The following FAM107B variants were observed in gnomAD, a reference collection of about 807,000 sequenced individuals.
FAM107B encodes family with sequence similarity 107 member B, also known as protein FAM107B.
FAM107B carries 21 observed loss-of-function variants against 31.5 expected under a neutral mutation model. That is an observed-to-expected ratio of 0.67 (90% CI 0.47 to 0.96). The LOEUF (loss-of-function observed/expected upper bound fraction) is 0.96. Among genes scored for constraint, FAM107B ranks in the 40% least tolerant of loss-of-function variants. The probability of loss-of-function intolerance (pLI) is 0.00; values close to 1 mark genes in which losing one functional copy is unlikely to be tolerated. For missense variants in FAM107B, 452 were observed against 377.1 expected (o/e 1.20, Z -1.64); for synonymous variants, 157 against 141.5 (o/e 1.11, Z -0.78).
intron 2 of FAM107B, among the ~76,000 whole-genome samples, chr10:14,541,222 C>T (rs987972650): frequency 2.0e-5 from 3 of 152,164 alleles, no homozygotes; most frequent in Admixed American, 1.3e-4. Context: ...TCCCTCTAAT[C>T]CGGCTGCATC....
At chr10:14,572,507 G>A in intron 2 of FAM107B, 1 of 575,768 alleles carries the variant, frequency 1.7e-6, no homozygotes, top group Non-Finnish European at 2.2e-6. Flanking sequence ...GGGATTCATG[G>A]CATCACAGCC....
chr10:14,719,962 G>A (rs1011616940), intron 1 of FAM107B, among the ~76,000 whole-genome samples: 1 of 141,292 alleles, frequency 7.1e-6, no homozygotes. Flanking sequence ...TTCCTCACTG[G>A]GCCCTGACGG....
chr10:14,594,556 G>A lies in FAM107B; in HGVS notation c.470-64041C>T, dbSNP rs915278785. Among the ~76,000 whole-genome samples the A allele has an allele frequency of 2.6e-5, 4 of 151,626 alleles. No individual in the cohort carries two copies. In the East Asian group the frequency reaches 7.7e-4, roughly 29 times the overall value. On this transcript the variant is annotated intron_variant, in intron 2 of 4. Coordinates refer to ENST00000181796, the MANE Select transcript of FAM107B (RefSeq NM_031453.4). ...AACTGGCAAATGCATTCTCCAACTGGAATCCCAATCTCTTTGTGAGGCTAC... is the reference window on the plus strand; with the variant it reads ...AACTGGCAAATGCATTCTCCAACTGAAATCCCAATCTCTTTGTGAGGCTAC...
intron 2 of FAM107B, among the ~76,000 whole-genome samples, chr10:14,553,888 A>C (rs891463948): frequency 6.6e-6 from 1 of 152,208 alleles, no homozygotes; most frequent in African/African-American, 2.4e-5. Flanking sequence ...GCCCAAATTC[A>C]TAAAATTCAT....
Position 14,629,416 on chromosome 10 carries a change from A to ATAATATATATTATATATT in FAM107B, c.469+38217_469+38218insAATATATAATATATATTA, listed in dbSNP as rs1564606788. ...AATATATATTATATATTTAATATAT[A>ATAATATATATTATATATT]TAATATATATAATATATATTATATA... On this transcript the variant is annotated intron_variant, in intron 2 of 4. Transcript: ENST00000181796. Among the ~76,000 whole-genome samples the ATAATATATATTATATATT allele has an allele frequency of 1.5e-3, 32 of 21,938 alleles. 2 individuals are homozygous for ATAATATATATTATATATT. In the Admixed American group the frequency reaches 0.015, roughly 10 times the overall value. 14.4% of individuals were successfully genotyped at this position (21,938 alleles called of 152,430 possible).
intron 2 of FAM107B, among the ~76,000 whole-genome samples, chr10:14,583,340 G>A (rs924544211): frequency 6.6e-6 from 1 of 152,056 alleles, no homozygotes; most frequent in African/African-American, 2.4e-5. Flanking sequence ...CCCTCGCGGG[G>A]CAGAGTCGGA....
intron 2 of FAM107B, among the ~76,000 whole-genome samples, chr10:14,607,457 T>C (rs1406041989): frequency 2.0e-5 from 3 of 152,154 alleles, no homozygotes; most frequent in Non-Finnish European, 4.4e-5. Flanking sequence ...ACTCAAAGGT[T>C]ATGAGCTATG....
At chr10:14,577,484 G>C (rs953766614) in intron 2 of FAM107B, among the ~76,000 whole-genome samples, 1 of 152,130 alleles carries the variant, frequency 6.6e-6, no homozygotes, top group East Asian at 1.9e-4. Context: ...ATATAAACTT[G>C]CATAGTACGA....
At chr10:14,593,149 A>G (rs1852074194) in intron 2 of FAM107B, among the ~76,000 whole-genome samples, 1 of 152,126 alleles carries the variant, frequency 6.6e-6, no homozygotes, top group Non-Finnish European at 1.5e-5. Context: ...AAAATTTAAT[A>G]TTATTAATTC....
At chr10:14,714,003 G>GA (rs1285623005) in intron 1 of FAM107B, among the ~76,000 whole-genome samples, 9 of 152,200 alleles carry the variant, frequency 5.9e-5, no homozygotes, top group Non-Finnish European at 1.2e-4. Flanking sequence ...ACAGAGAAGG[G>GA]AAAAAGAGAT....
At chr10:14,629,184 G>C (rs886992395) in intron 2 of FAM107B, among the ~76,000 whole-genome samples, 1 of 130,788 alleles carries the variant, frequency 7.6e-6, no homozygotes, top group Non-Finnish European at 1.6e-5. Flanking sequence ...GACATAAAAA[G>C]TATATATATA....
intron 2 of FAM107B, among the ~76,000 whole-genome samples, chr10:14,633,547 A>C (rs933324958): frequency 3.3e-5 from 5 of 152,208 alleles, no homozygotes; most frequent in Non-Finnish European, 5.9e-5. Flanking sequence ...TACATTAATA[A>C]AATATATTAA....
At chr10:14,613,094 C>T (rs768949625) in intron 2 of FAM107B, among the ~76,000 whole-genome samples, 5 of 152,008 alleles carry the variant, frequency 3.3e-5, no homozygotes, top group Non-Finnish European at 7.3e-5. Flanking sequence ...GCCTCAGCCC[C>T]GCGAGCAGCT....
chr10:14,530,169 C>T (rs1036394370), intron 3 of FAM107B, 163 bp downstream of exon 3: 4 of 759,960 alleles, frequency 5.3e-6, no homozygotes, highest in Non-Finnish European at 8.3e-6. Context: ...ATCTGCCTCA[C>T]GGAGGGGTAA....
intron 2 of FAM107B, among the ~76,000 whole-genome samples, chr10:14,568,972 A>G (rs12267803): frequency 6.6e-6 from 1 of 152,192 alleles, no homozygotes; most frequent in Non-Finnish European, 1.5e-5. Flanking sequence ...GCATAGGTAG[A>G]TTTTAACACA....
chr10:14,640,779 A>G (rs1564611180), intron 2 of FAM107B, among the ~76,000 whole-genome samples: 1 of 152,202 alleles, frequency 6.6e-6, no homozygotes, highest in African/African-American at 2.4e-5. Flanking sequence ...GTTCATTGTC[A>G]CACAGCTAGT....
chr10:14,551,629 T>C (rs1849275007), intron 2 of FAM107B, among the ~76,000 whole-genome samples: 1 of 151,942 alleles, frequency 6.6e-6, no homozygotes, highest in Admixed American at 6.6e-5. Context: ...TAATTTCATC[T>C]ATGAATCTTT....
intron 1 of FAM107B, among the ~76,000 whole-genome samples, chr10:14,720,577 A>G (rs1588729435): frequency 6.6e-6 from 1 of 152,132 alleles, no homozygotes; most frequent in East Asian, 1.9e-4. Flanking sequence ...TTTAAAGTAA[A>G]TTTTAAAAGT....
At chr10:14,696,354 G>A (rs1247987532) in intron 1 of FAM107B, among the ~76,000 whole-genome samples, 2 of 152,154 alleles carry the variant, frequency 1.3e-5, no homozygotes, top group African/African-American at 4.8e-5. Flanking sequence ...TGGTCATGAT[G>A]TAAAATCTTT....
Sources: allele counts gnomAD v4.1 joint callset (sites outside exome capture counted in the v4.1 genomes callset), GRCh38; gene constraint gnomAD v4.1.1; transcripts MANE v1.5; gene names NCBI Gene and HGNC (gene_info 2026-07-23, HGNC 2026-07-21).